The following LRRC4C variants were observed in gnomAD, a reference collection of about 807,000 sequenced individuals.
The protein encoded by LRRC4C is leucine-rich repeat-containing protein 4C.
LRRC4C carries 5 observed loss-of-function variants against 33.6 expected under a neutral mutation model. The ratio of observed to expected loss-of-function variants is 0.15; its 90% CI spans 0.08 to 0.31. The LOEUF (loss-of-function observed/expected upper bound fraction) is 0.31, where lower values mean the gene tolerates loss of function less well. Ranked by LOEUF, LRRC4C falls within the 10% of genes least tolerant of loss-of-function variation. The pLI is 1.00. For missense variants in LRRC4C, 560 were observed against 796.7 expected (o/e 0.70, Z 3.58); for synonymous variants, 329 against 302.0 (o/e 1.09, Z -0.93).
chr11:41,235,918 A>G (rs1249403282), intron 1 of LRRC4C, among the ~76,000 whole-genome samples: 1 of 152,128 alleles, frequency 6.6e-6, no homozygotes, highest in Non-Finnish European at 1.5e-5. Flanking sequence ...CATCATATAG[A>G]CATTCTCCCT....
chr11:40,935,727 G>A (rs1004269323), intron 1 of LRRC4C, among the ~76,000 whole-genome samples: 8 of 151,878 alleles, frequency 5.3e-5, no homozygotes, highest in African/African-American at 1.9e-4. Context: ...GTATTCCCAA[G>A]AGAAATTAGT....
chr11:41,328,120 G>T (rs549941747), intron 1 of LRRC4C, among the ~76,000 whole-genome samples: 2 of 152,228 alleles, frequency 1.3e-5, no homozygotes, highest in Admixed American at 1.3e-4. Context: ...CAAATAAATT[G>T]CTGCAGGTAC....
chr11:40,508,085 G>A (rs1405102248), intron 3 of LRRC4C, among the ~76,000 whole-genome samples: 5 of 151,986 alleles, frequency 3.3e-5, no homozygotes, highest in Admixed American at 1.3e-4. Context: ...CCCTCCAATA[G>A]CATACTCTGA....
chr11:40,661,386 C>T (rs971452021), intron 2 of LRRC4C, among the ~76,000 whole-genome samples: 2 of 152,302 alleles, frequency 1.3e-5, no homozygotes, highest in Middle Eastern at 3.4e-3. Context: ...TATGATATGA[C>T]ACATACAACA....
At chr11:40,924,042 G>A (rs1025453180) in intron 2 of LRRC4C, among the ~76,000 whole-genome samples, 2 of 151,346 alleles carry the variant, frequency 1.3e-5, no homozygotes, top group Non-Finnish European at 2.9e-5. Context: ...ACGAATTCAG[G>A]GACTTGTAGA....
chr11:40,964,607 G>T (rs1013015468), intron 1 of LRRC4C, among the ~76,000 whole-genome samples: 17 of 146,590 alleles, frequency 1.2e-4, no homozygotes, highest in South Asian at 4.3e-4. Context: ...ACTTATGAGT[G>T]AGAATATGCG....
intron 2 of LRRC4C, among the ~76,000 whole-genome samples, chr11:40,750,942 A>G (rs1050269804): frequency 1.6e-4 from 25 of 152,172 alleles, no homozygotes; most frequent in Admixed American, 2.0e-4. Flanking sequence ...TATTTACATC[A>G]TGGTTTGTAA....
At chr11:40,987,995 G>A (rs1024642312) in intron 1 of LRRC4C, among the ~76,000 whole-genome samples, 1 of 151,956 alleles carries the variant, frequency 6.6e-6, no homozygotes, top group African/African-American at 2.4e-5. Flanking sequence ...GCCTCTATGT[G>A]GATCAATGCT....
At chr11:40,634,180 T>C (rs1963751441) in intron 3 of LRRC4C, among the ~76,000 whole-genome samples, 1 of 152,224 alleles carries the variant, frequency 6.6e-6, no homozygotes, top group African/African-American at 2.4e-5. Context: ...TGGAAAACTG[T>C]TGGAAAACAG....
chr11:40,764,266 T>C (rs1364029272), intron 2 of LRRC4C, among the ~76,000 whole-genome samples: 1 of 152,138 alleles, frequency 6.6e-6, no homozygotes, highest in African/African-American at 2.4e-5. Flanking sequence ...CCTGGGATGA[T>C]TCATTTTCTG....
At chr11:41,329,264 A>G (rs1476251833) in intron 1 of LRRC4C, among the ~76,000 whole-genome samples, 1 of 152,070 alleles carries the variant, frequency 6.6e-6, no homozygotes, top group African/African-American at 2.4e-5. Context: ...TTCTATTCAT[A>G]CTCCAAAGAA....
chr11:41,410,626 G>A (rs1218959128), intron 1 of LRRC4C, among the ~76,000 whole-genome samples: 5 of 151,808 alleles, frequency 3.3e-5, no homozygotes, highest in Non-Finnish European at 7.4e-5. Flanking sequence ...ATTTTTAGTA[G>A]AGACGGTGTT....
At chr11:41,171,847 A>T (rs1944990761) in intron 1 of LRRC4C, among the ~76,000 whole-genome samples, 2 of 151,956 alleles carry the variant, frequency 1.3e-5, no homozygotes, top group Non-Finnish European at 1.5e-5. Context: ...TTCTGGTCCT[A>T]ATTATGACAA....
intron 3 of LRRC4C, among the ~76,000 whole-genome samples, chr11:40,564,525 G>A (rs1191407182): frequency 6.6e-6 from 1 of 152,154 alleles, no homozygotes; most frequent in Non-Finnish European, 1.5e-5. Context: ...GGTGGACACA[G>A]GGCTGCCCTT....
intron 1 of LRRC4C, among the ~76,000 whole-genome samples, chr11:41,250,001 TAAAAAA>T (rs35746877): frequency 6.8e-6 from 1 of 147,972 alleles, no homozygotes; most frequent in Non-Finnish European, 1.5e-5. Flanking sequence ...CCATCTCTAC[TAAAAAA>T]AAAAATACAA....
intron 1 of LRRC4C, among the ~76,000 whole-genome samples, chr11:41,386,885 C>A (rs1199227134): frequency 6.6e-6 from 1 of 151,588 alleles, no homozygotes; most frequent in Non-Finnish European, 1.5e-5. Context: ...GTCTTTATTC[C>A]TTTGTGTAAC....
chr11:40,878,380 T>C (rs1003633424), intron 2 of LRRC4C, among the ~76,000 whole-genome samples: 1 of 152,150 alleles, frequency 6.6e-6, no homozygotes. Flanking sequence ...TCTCTGCTAA[T>C]GTTGATCTGT....
At chr11:40,489,873 T>A (rs1411909024) in intron 3 of LRRC4C, among the ~76,000 whole-genome samples, 2 of 152,312 alleles carry the variant, frequency 1.3e-5, no homozygotes, top group South Asian at 2.1e-4. Context: ...CAATCCTTTA[T>A]CCATTTATTC....
intron 3 of LRRC4C, among the ~76,000 whole-genome samples, chr11:40,531,261 G>T (rs911377870): frequency 1.3e-5 from 2 of 152,078 alleles, no homozygotes; most frequent in African/African-American, 2.4e-5. Context: ...GCTATTTGTA[G>T]CCAAAGTAAT....
Sources: allele counts gnomAD v4.1 joint callset (sites outside exome capture counted in the v4.1 genomes callset), GRCh38; gene constraint gnomAD v4.1.1; transcripts MANE v1.5; gene names NCBI Gene and HGNC (gene_info 2026-07-23, HGNC 2026-07-21).